Variants in SRGAP1 observed in about 807,000 individuals in gnomAD.
The protein encoded by SRGAP1 is SLIT-ROBO Rho GTPase-activating protein 1.
A neutral mutation model predicts 121.9 loss-of-function variants in SRGAP1; 43 were observed. The ratio of observed to expected loss-of-function variants is 0.35; its 90% CI spans 0.28 to 0.46. The LOEUF is 0.46. SRGAP1 is among the 20% of genes least tolerant of loss of function. The probability of loss-of-function intolerance (pLI) is 1.00; values close to 1 mark genes in which losing one functional copy is unlikely to be tolerated. For synonymous variants in SRGAP1, 447 were observed against 485.4 expected (o/e 0.92, Z 1.04); for missense variants, 1,102 against 1,350.9 (o/e 0.82, Z 2.89).
chr12:63,931,720 T>C (rs1466676775), intron 1 of SRGAP1, among the ~76,000 whole-genome samples: 2 of 152,144 alleles, frequency 1.3e-5, no homozygotes, highest in Non-Finnish European at 2.9e-5. Flanking sequence ...AGATCATACT[T>C]TATTGGGGAA....
rs60769104 is a variant in SRGAP1 at position 64,138,446 on chromosome 12, C to CTTTT, written c.2881-3829_2881-3826dup. 1.4e-3 allele frequency among the ~76,000 whole-genome samples: 114 copies of CTTTT among 78,684 alleles called. 3 individuals carry two copies. Among genetic ancestry groups the CTTTT allele is most frequent in the African/African-American group, 5.1e-3 (91 of 18,010 alleles). 51.6% of individuals were successfully genotyped at this position (78,684 alleles called of 152,430 possible). A position where few individuals can be genotyped will look rare whatever the true frequency, so the allele number is the denominator to read the frequency against. ...CCTTTTACTATCTGAAATAAATTGA[C>CTTTT]TTTTTTTTTTTTTTTTTTTTTTTGG... On this transcript the variant is annotated intron_variant, in intron 21 of 21. Coordinates refer to ENST00000355086, the MANE Select transcript of SRGAP1 (RefSeq NM_020762.4).
chr12:64,038,180 A>T (rs1027415710), intron 4 of SRGAP1, among the ~76,000 whole-genome samples: 4 of 152,212 alleles, frequency 2.6e-5, no homozygotes, highest in African/African-American at 9.6e-5. Flanking sequence ...TAGAAGGATT[A>T]AATATGTTAT....
chr12:64,051,464 C>G (rs972870798), intron 6 of SRGAP1, among the ~76,000 whole-genome samples: 4 of 152,280 alleles, frequency 2.6e-5, no homozygotes, highest in African/African-American at 7.2e-5. Flanking sequence ...AAAACTCTTT[C>G]TTACAGTAAA....
chr12:63,998,729 C>T (rs1283424214), intron 3 of SRGAP1, among the ~76,000 whole-genome samples: 1 of 152,184 alleles, frequency 6.6e-6, no homozygotes, highest in Non-Finnish European at 1.5e-5. Flanking sequence ...TGCCATTTGA[C>T]TCTTAAGACA....
rs137862034 is a variant in SRGAP1, at chr12:63,977,033, T to TA, written c.68-6902dup. 4.7e-3 allele frequency among the ~76,000 whole-genome samples: 681 copies of TA among 144,226 alleles called. 4 individuals carry two copies. The highest frequency in any genetic ancestry group is 0.015 in the African/African-American group (591 of 39,502). The allele number at this position is 144,226 out of a possible 152,430, so 94.6% of individuals were successfully genotyped here. A position where few individuals can be genotyped will look rare whatever the true frequency, so the allele number is the denominator to read the frequency against. ...CCTTTGTTTATTCAGTTGATTCACT[T>TA]AAAAAAAAAAAAGCTCACTTTTATG... On this transcript the variant is annotated intron_variant, in intron 1 of 21. Transcript: ENST00000355086.
chr12:64,140,201 C>T (rs1247677143), intron 21 of SRGAP1, among the ~76,000 whole-genome samples: 9 of 141,466 alleles, frequency 6.4e-5, no homozygotes, highest in African/African-American at 1.1e-4. Context: ...GTTCTTTTGG[C>T]TTAGGATTGA....
intron 3 of SRGAP1, among the ~76,000 whole-genome samples, chr12:64,001,472 A>G (rs533528594): frequency 6.6e-6 from 1 of 152,196 alleles, no homozygotes; most frequent in Non-Finnish European, 1.5e-5. Context: ...GCAAGCAGAT[A>G]CTTGAAAAGT....
At chr12:63,997,297 A>G (rs887524284) in intron 3 of SRGAP1, among the ~76,000 whole-genome samples, 2 of 152,150 alleles carry the variant, frequency 1.3e-5, no homozygotes, top group Admixed American at 1.3e-4. Flanking sequence ...ACAGTAGATT[A>G]TACCATATAG....
chr12:64,072,047 G>C (rs1476834579), intron 8 of SRGAP1, among the ~76,000 whole-genome samples: 1 of 146,816 alleles, frequency 6.8e-6, no homozygotes, highest in Non-Finnish European at 1.5e-5. Context: ...TCTGTGGCCT[G>C]TGCTAGCTGT....
chr12:64,112,109 G>A, intron 17 of SRGAP1, 123 bp downstream of exon 17: 2 of 756,824 alleles, frequency 2.6e-6, no homozygotes, highest in South Asian at 1.9e-5. Context: ...GGAAGAAGCA[G>A]TAAAACTTGA....
chr12:64,097,080 A>T (rs2036169514), intron 14 of SRGAP1, among the ~76,000 whole-genome samples, 161 bp from the exon 15 acceptor site: 1 of 152,224 alleles, frequency 6.6e-6, no homozygotes, highest in Non-Finnish European at 1.5e-5. Flanking sequence ...ATGGGGTGGG[A>T]TATCTAAACC....
rs1462299156 is a variant in SRGAP1, at chr12:64,151,144, ACCAACCCATG to A, written c.*8475_*8484del. On this transcript the variant is annotated 3_prime_UTR_variant, in exon 22 of 22. Transcript: ENST00000355086. The stretch of plus-strand genomic sequence containing the variant: ...ACTCAGTTACTAGACTTCAACAAAT[ACCAACCCATG>A]CCTCCATTTCCCAAACAGAAATAAT... 6.6e-6 allele frequency: 1 copy of A among 152,088 alleles called. No individual in the cohort carries two copies. The highest frequency in any genetic ancestry group is 1.5e-5 in the Non-Finnish European group (1 of 68,026). 9.4% of individuals were successfully genotyped at this position (152,088 alleles called of 1,614,324 possible). A position where few individuals can be genotyped will look rare whatever the true frequency, so the allele number is the denominator to read the frequency against.
Position 64,006,418 on chromosome 12 carries a change from C to T in SRGAP1, c.427-10532C>T, listed in dbSNP as rs117952952. On this transcript the variant is annotated intron_variant, in intron 3 of 21. Transcript: ENST00000355086. ...CTGGTGTTAGGAGTGTAGCCTATGGCGTGATGAAGGATAAACAGTGAGTAA... is the reference window on the plus strand; with the variant it reads ...CTGGTGTTAGGAGTGTAGCCTATGGTGTGATGAAGGATAAACAGTGAGTAA... Among the ~76,000 whole-genome samples the T allele has an allele frequency of 3.3e-3, 499 of 152,152 alleles. 12 individuals are homozygous for T. The East Asian group carries it at 0.06, about 18-fold the overall frequency.
chr12:64,031,030 T>C (rs1157576431), intron 4 of SRGAP1, among the ~76,000 whole-genome samples: 1 of 152,116 alleles, frequency 6.6e-6, no homozygotes, highest in African/African-American at 2.4e-5. Context: ...TTAAAATTTA[T>C]CTGCTGGCTG....
At chr12:64,032,683 G>C in intron 4 of SRGAP1, 24 of 214,354 alleles carry the variant, frequency 1.1e-4, no homozygotes, top group Non-Finnish European at 1.2e-4. Flanking sequence ...AGCTTTCAAA[G>C]CAAAAAAAAA....
At chr12:64,001,195 A>C (rs907222015) in intron 3 of SRGAP1, among the ~76,000 whole-genome samples, 1 of 152,218 alleles carries the variant, frequency 6.6e-6, no homozygotes, top group South Asian at 2.1e-4. Context: ...GTCAGAAAAC[A>C]ATGGAGCAAA....
At chr12:63,969,091 T>TTC (rs2032864953) in intron 1 of SRGAP1, among the ~76,000 whole-genome samples, 1 of 152,218 alleles carries the variant, frequency 6.6e-6, no homozygotes, top group Non-Finnish European at 1.5e-5. Flanking sequence ...AGAAGGAAGA[T>TTC]GGTGTGAAGC....
At chr12:64,103,073 A>G (rs547357712) in intron 15 of SRGAP1, among the ~76,000 whole-genome samples, 9 of 152,180 alleles carry the variant, frequency 5.9e-5, no homozygotes, top group African/African-American at 2.2e-4. Flanking sequence ...GCAACCTCCT[A>G]GGCTAAAGTG....
intron 18 of SRGAP1, among the ~76,000 whole-genome samples, chr12:64,120,162 T>C (rs1001262969): frequency 6.6e-6 from 1 of 152,208 alleles, no homozygotes; most frequent in East Asian, 1.9e-4. Flanking sequence ...ATTTATTCAT[T>C]AGCGCTTCCC....
Sources: gnomAD v4.1 joint callset for allele counts (sites outside exome capture counted in the v4.1 genomes callset) on GRCh38, gnomAD v4.1.1 for gene constraint, MANE v1.5 for transcripts, NCBI Gene and HGNC (gene_info 2026-07-23, HGNC 2026-07-21) for gene names.